KIF13B: variants seen among roughly 807,000 people sequenced by gnomAD.
The protein encoded by KIF13B is kinesin family member 13B, also known as kinesin-like protein KIF13B.
Under a neutral mutation model 222.0 loss-of-function variants are expected in KIF13B, and 127 were observed. The observed-to-expected ratio is 0.57, with a 90% CI of 0.50 to 0.66. KIF13B has a LOEUF of 0.66. Ranked by LOEUF, KIF13B falls within the 30% of genes least tolerant of loss-of-function variation. The pLI is 0.00. For missense variants in KIF13B, 2,173 were observed against 2,379.0 expected, an observed-to-expected ratio of 0.91 and a Z score of 1.80; for synonymous variants, 976 against 919.0, an observed-to-expected ratio of 1.06 and a Z score of -1.12.
chr8:29,095,400 CAACAA>C (rs1191391534), intron 36 of KIF13B, among the ~76,000 whole-genome samples: 3 of 152,178 alleles, frequency 2.0e-5, no homozygotes, highest in African/African-American at 7.2e-5. Flanking sequence ...CTTAAAACAA[CAACAA>C]AACAAAACAG....
At chr8:29,200,198 G>A (rs1021296391) in intron 2 of KIF13B, among the ~76,000 whole-genome samples, 5 of 152,040 alleles carry the variant, frequency 3.3e-5, no homozygotes, top group Non-Finnish European at 5.9e-5. Context: ...AAAGGCATGG[G>A]ACACCCAAAG....
chr8:29,080,453 G>T (rs1452340334), intron 37 of KIF13B, among the ~76,000 whole-genome samples: 1 of 152,138 alleles, frequency 6.6e-6, no homozygotes, highest in Non-Finnish European at 1.5e-5. Context: ...AGAGTTCCGG[G>T]AGGCGGGCGG....
chr8:29,088,025 T>C (rs1245790884), intron 37 of KIF13B, among the ~76,000 whole-genome samples: 2 of 152,122 alleles, frequency 1.3e-5, no homozygotes, highest in African/African-American at 4.8e-5. Context: ...CCCAGCACTT[T>C]GGGAGGCTGA....
chr8:29,070,726 C>G lies in KIF13B; in HGVS notation c.5259G>C (p.Arg1753Ser), dbSNP rs1260366037. Residue 1753 changes from arginine (R) to serine (S), a missense_variant, in exon 40 of 40, where the codon AGG becomes AGC. Physicochemically the swap from Arg to Ser is moderately radical, Grantham distance 110. Around this residue, in one of 2 missense-constraint regions of KIF13B, gnomAD observed 693 missense variants for 656.2 expected, o/e 1.06. Coordinates refer to ENST00000524189, the MANE Select transcript of KIF13B (RefSeq NM_015254.4). This position sits in a 1 kb window ranked among gnomAD's most constrained non-coding sequence, Gnocchi z 4.1. Reference protein sequence around the residue: ...DGSIGGKQYFRCNPGYGLLVR... With the variant: ...DGSIGGKQYFSCNPGYGLLVR... ...CCAGCAGCCCGTAGCCAGGGTTACA[C>G]CTGAAGTACTGCTTCCCGCCGATGG... 3.2e-6 allele frequency: 5 copies of G among 1,564,638 alleles called. No individual in the cohort carries two copies. In the African/African-American group the frequency reaches 6.8e-5, roughly 21 times the overall value.
At chr8:29,260,413 T>C (rs760044737) in intron 1 of KIF13B, among the ~76,000 whole-genome samples, 8 of 152,202 alleles carry the variant, frequency 5.3e-5, no homozygotes, top group Non-Finnish European at 1.2e-4. Context: ...CTTTTATAGA[T>C]AGCGATTTAT....
intron 19 of KIF13B, among the ~76,000 whole-genome samples, chr8:29,141,913 G>C (rs138008024): frequency 6.6e-6 from 1 of 152,146 alleles, no homozygotes; most frequent in African/African-American, 2.4e-5. Context: ...AGTCAGAATG[G>C]AAAGTGGAGA....
chr8:29,176,187 G>A lies in KIF13B; in HGVS notation c.834-8C>T. The A allele has an allele frequency of 6.5e-7, 1 of 1,543,938 alleles. No homozygotes were observed. Among genetic ancestry groups the A allele is most frequent in the South Asian group, 1.1e-5 (1 of 87,400 alleles). ...CCGAGGGTTGTGAGGGACCTGCATG[G>A]TGCAACAAACCAAAATAATTACAAA... On this transcript the variant is annotated splice_polypyrimidine_tract_variant and splice_region_variant and intron_variant, in intron 9 of 39. Transcript: ENST00000524189.
chr8:29,211,079 G>GT (rs1362564049), intron 2 of KIF13B, among the ~76,000 whole-genome samples: 1 of 152,222 alleles, frequency 6.6e-6, no homozygotes, highest in Non-Finnish European at 1.5e-5. Context: ...TGTGCTTTCC[G>GT]TAAGACTGAG....
chr8:29,222,481 A>G (rs1814797749), intron 2 of KIF13B, among the ~76,000 whole-genome samples: 1 of 143,094 alleles, frequency 7.0e-6, no homozygotes, highest in Non-Finnish European at 1.5e-5. Context: ...GCCCATTTTA[A>G]CATTAAACTC....
chr8:29,161,625 G>A (rs138428903), intron 12 of KIF13B, among the ~76,000 whole-genome samples: 2 of 152,152 alleles, frequency 1.3e-5, no homozygotes, highest in African/African-American at 4.8e-5. Context: ...GAACCCGGGA[G>A]GTGGAGGTTG....
At chr8:29,140,040 A>T in intron 21 of KIF13B, 23 bp downstream of exon 21, 1 of 1,554,164 alleles carries the variant, frequency 6.4e-7, no homozygotes, top group African/African-American at 1.4e-5. Context: ...TCAACGTAAT[A>T]CTAGGATGAA....
chr8:29,122,538 T>G lies in KIF13B; in HGVS notation c.3535+53A>C, dbSNP rs370188963. 5.6e-6 allele frequency: 8 copies of G among 1,434,326 alleles called. No individual in the cohort carries two copies. The East Asian group carries it at 1.9e-4, about 33-fold the overall frequency. 88.8% of individuals were successfully genotyped at this position (1,434,326 alleles called of 1,614,324 possible). On this transcript the variant is annotated intron_variant, in intron 29 of 39. Coordinates refer to ENST00000524189, the MANE Select transcript of KIF13B (RefSeq NM_015254.4). ...GCACTTGGTTGGAATCTACATGTTA[T>G]GTAGGCACTAAATTTTCAGAGGTAA...
intron 2 of KIF13B, among the ~76,000 whole-genome samples, chr8:29,228,165 A>C (rs1474190968): frequency 6.6e-6 from 1 of 151,638 alleles, no homozygotes; most frequent in Admixed American, 6.6e-5. Flanking sequence ...GTGTGACTAA[A>C]ATAATGACTA....
At chr8:29,083,863 A>G (rs1240083392) in intron 37 of KIF13B, among the ~76,000 whole-genome samples, 1 of 152,182 alleles carries the variant, frequency 6.6e-6, no homozygotes, top group Admixed American at 6.5e-5. Context: ...TTTTTTAAAT[A>G]ACCTGAAAGT....
Position 29,071,271 on chromosome 8 carries a change from T to C in KIF13B, c.5218+349A>G, listed in dbSNP as rs970510237. ...CCGGATGGGGTGAGGAAGAGCCTCC[T>C]GGAACGGCAAAGGGGAGATGCTCTA... On this transcript the variant is annotated intron_variant, in intron 39 of 39. Transcript: ENST00000524189. This position sits in a 1 kb window ranked among gnomAD's most constrained non-coding sequence, Gnocchi z 4.9. Among the ~76,000 whole-genome samples the C allele has an allele frequency of 6.6e-6, 1 of 152,080 alleles. No homozygotes were observed. The highest frequency in any genetic ancestry group is 2.4e-5 in the African/African-American group (1 of 41,414).
intron 24 of KIF13B, among the ~76,000 whole-genome samples, 160 bp downstream of exon 24, chr8:29,130,344 GTCTCTACTTCATTAAAAGAAAAAAAAATT>G (rs1810290574): frequency 1.3e-5 from 2 of 152,032 alleles, no homozygotes. Context: ...AGATCCCTGT[GTCTCTACTTCATTAAAAGAAAAAAAAATT>G]TAATAGCAAT....
At chr8:29,205,649 C>T (rs905371224) in intron 2 of KIF13B, among the ~76,000 whole-genome samples, 95 of 152,116 alleles carry the variant, frequency 6.2e-4, no homozygotes, top group Non-Finnish European at 1.0e-4. Context: ...AACAAGGAAT[C>T]CCAAATTCAA....
At chr8:29,248,456 C>T (rs1237230223) in intron 1 of KIF13B, among the ~76,000 whole-genome samples, 1 of 152,232 alleles carries the variant, frequency 6.6e-6, no homozygotes, top group Non-Finnish European at 1.5e-5. Flanking sequence ...CACAGTTTCA[C>T]GTGACTAGGG....
intron 34 of KIF13B, among the ~76,000 whole-genome samples, 160 bp from the exon 35 acceptor site, chr8:29,108,352 A>G (rs1809193596): frequency 6.6e-6 from 1 of 152,256 alleles, no homozygotes; most frequent in African/African-American, 2.4e-5. Context: ...TCTTTGGGAC[A>G]TTACAAACAT....
Sources: gnomAD v4.1 joint callset for allele counts (sites outside exome capture counted in the v4.1 genomes callset) on GRCh38, gnomAD v4.1.1 for gene constraint, gnomAD v4.1.1 regional missense constraint, Gnocchi (gnomAD v3.1) non-coding constraint, MANE v1.5 for transcripts, NCBI Gene and HGNC (gene_info 2026-07-23, HGNC 2026-07-21) for gene names.